The following EML6 variants were observed in gnomAD, a reference collection of about 807,000 sequenced individuals.
EML6 encodes echinoderm microtubule-associated protein-like 6.
Under a neutral mutation model 240.1 loss-of-function variants are expected in EML6, and 154 were observed. The observed-to-expected ratio is 0.64, with a 90% CI of 0.56 to 0.73. The LOEUF is 0.73. Ranked by LOEUF, EML6 falls within the 30% of genes least tolerant of loss-of-function variation. EML6 has a pLI of 0.00. For synonymous variants in EML6, 1,148 were observed against 899.0 expected (o/e 1.28, Z -4.95); for missense variants, 2,964 against 2,474.6 (o/e 1.20, Z -4.20).
rs1275530216 is a variant in EML6 at position 54,916,935 on chromosome 2, G to GGT, written c.3675+1_3675+2dup. ...TTAAGCTTTTTTCATATCCTGTCAAGGTAATATTGCGTGTTTATTATCTTT... is the reference window on the plus strand; with the variant it reads ...TTAAGCTTTTTTCATATCCTGTCAAGGTGTAATATTGCGTGTTTATTATCTTT... On this transcript the variant is annotated frameshift_variant and splice_region_variant. Coordinates refer to ENST00000356458, the MANE Select transcript of EML6 (RefSeq NM_001039753.4). LOFTEE classifies it high-confidence loss of function. 6.5e-7 allele frequency: 1 copy of GGT among 1,528,400 alleles called. No homozygotes were observed. The highest frequency in any genetic ancestry group is 2.0e-5 in the Admixed American group (1 of 50,698). 94.7% of individuals were successfully genotyped at this position (1,528,400 alleles called of 1,614,324 possible).
In EML6 at chr2:54,844,032, A is replaced by C. The variant is rs908058773; in HGVS notation, c.848-15A>C. 2 of 1,517,714 alleles carry C rather than the reference A, an allele frequency of 1.3e-6. No homozygotes were observed. Among genetic ancestry groups the C allele is most frequent in the Non-Finnish European group, 1.8e-6 (2 of 1,127,656 alleles). The allele number at this position is 1,517,714 out of a possible 1,614,324, so 94.0% of individuals were successfully genotyped here. On this transcript the variant is annotated splice_polypyrimidine_tract_variant and intron_variant, in intron 7 of 41. Coordinates refer to ENST00000356458, the MANE Select transcript of EML6 (RefSeq NM_001039753.4). The stretch of plus-strand genomic sequence containing the variant: ...TAGTGTGAAGATTTGCTTTTGTTTT[A>C]CTTATTTTTGTCAGGCCTCTCTATC...
At chr2:54,877,696 G>A (rs758035186) in intron 16 of EML6, among the ~76,000 whole-genome samples, 1 of 152,220 alleles carries the variant, frequency 6.6e-6, no homozygotes, top group Admixed American at 6.5e-5. Flanking sequence ...AGTTGTTTTT[G>A]AAAGACGTAG....
intron 24 of EML6, among the ~76,000 whole-genome samples, chr2:54,910,150 G>T (rs2104281370): frequency 6.6e-6 from 1 of 152,276 alleles, no homozygotes; most frequent in Non-Finnish European, 1.5e-5. Flanking sequence ...AATAGCTGTT[G>T]AGGCTGGACA....
At chr2:54,871,426 G>T in intron 15 of EML6, 74 bp from the exon 16 acceptor site, 1 of 1,152,160 alleles carries the variant, frequency 8.7e-7, no homozygotes, top group Non-Finnish European at 1.3e-6. Context: ...TCTGAGCAGT[G>T]TTGGACTCTA....
intron 26 of EML6, among the ~76,000 whole-genome samples, chr2:54,921,601 A>T (rs1674257294): frequency 6.6e-6 from 1 of 152,162 alleles, no homozygotes; most frequent in South Asian, 2.1e-4. Context: ...GTATGTAACC[A>T]CAAAAAACCT....
At position 54,928,498 on chromosome 2, in the gene EML6, C is replaced by G; in HGVS notation, c.3861C>G (p.Asp1287Glu). 6.5e-7 allele frequency: 1 copy of G among 1,545,324 alleles called. No individual in the cohort carries two copies. Among genetic ancestry groups the G allele is most frequent in the Non-Finnish European group, 8.7e-7 (1 of 1,142,982 alleles). The change falls in exon 27 of 42, where the codon GAC becomes GAG. Residue 1287 changes from aspartate (D) to glutamate (E), a missense_variant. By Grantham distance (45) the Asp-to-Glu change is conservative (BLOSUM62 2). Coordinates refer to ENST00000356458, the MANE Select transcript of EML6 (RefSeq NM_001039753.4). Reference protein sequence around the residue: ...KLVDSEESDTDVEEDGGYDSD... With the variant: ...KLVDSEESDTEVEEDGGYDSD... Reference sequence around the variant, plus strand: ...TGGACAGCGAGGAGTCAGACACCGACGTGGAAGAGGATGGAGGTGAGCCCC... The same window carrying G: ...TGGACAGCGAGGAGTCAGACACCGAGGTGGAAGAGGATGGAGGTGAGCCCC...
intron 24 of EML6, among the ~76,000 whole-genome samples, chr2:54,909,257 C>T (rs183625956): frequency 6.6e-6 from 1 of 152,318 alleles, no homozygotes; most frequent in East Asian, 1.9e-4. Flanking sequence ...AATTACTTTA[C>T]AGATGTATTT....
At chr2:54,930,355 C>A (rs4399760) in intron 28 of EML6, among the ~76,000 whole-genome samples, 48,686 of 152,042 alleles carry the variant, frequency 0.32, 8,150 homozygotes, top group South Asian at 0.52. Context: ...AATCTGTCAA[C>A]ATTTCGTACT....
intron 7 of EML6, among the ~76,000 whole-genome samples, chr2:54,831,691 C>T (rs952396734): frequency 2.6e-4 from 40 of 152,210 alleles, no homozygotes; most frequent in African/African-American, 9.2e-4. Flanking sequence ...AGATGGCTTA[C>T]TGATAAGGCG....
chr2:54,857,490 A>G (rs577754805), intron 11 of EML6, among the ~76,000 whole-genome samples: 13 of 152,304 alleles, frequency 8.5e-5, no homozygotes, highest in African/African-American at 3.1e-4. Context: ...AGTGATGAAA[A>G]CAAGCACAAA....
At chr2:54,955,900 C>A (rs1676210446) in intron 32 of EML6, among the ~76,000 whole-genome samples, 1 of 152,226 alleles carries the variant, frequency 6.6e-6, no homozygotes, top group Non-Finnish European at 1.5e-5. Flanking sequence ...GGTTTGCCTT[C>A]ATTTCAAGTC....
intron 16 of EML6, among the ~76,000 whole-genome samples, chr2:54,872,450 C>G (rs1048259005): frequency 1.3e-5 from 2 of 152,138 alleles, no homozygotes; most frequent in African/African-American, 2.4e-5. Flanking sequence ...TTCCTCTCCC[C>G]GTTCAAGCCC....
At chr2:54,853,508 G>T in intron 10 of EML6, 135 bp from the exon 11 acceptor site, 1 of 576,386 alleles carries the variant, frequency 1.7e-6, no homozygotes, top group Non-Finnish European at 2.7e-6. Context: ...AGAAAAAATC[G>T]CAAATGGGAT....
chr2:54,842,972 G>C (rs752432816), intron 7 of EML6, among the ~76,000 whole-genome samples: 5 of 152,182 alleles, frequency 3.3e-5, no homozygotes, highest in Non-Finnish European at 5.9e-5. Flanking sequence ...GAGACATGGT[G>C]CATCTGTTTA....
At chr2:54,968,033 T>C (rs1676824748) in intron 39 of EML6, 95 bp from the exon 40 acceptor site, 17 of 1,252,046 alleles carry the variant, frequency 1.4e-5, no homozygotes, top group Non-Finnish European at 1.9e-5. Context: ...ATGTTAAACA[T>C]CCCTCTCTTC....
chr2:54,765,002 GT>G (rs1238432898), intron 2 of EML6, among the ~76,000 whole-genome samples: 3 of 151,970 alleles, frequency 2.0e-5, no homozygotes, highest in Non-Finnish European at 4.4e-5. Context: ...TGCTTTCAGT[GT>G]TTGTTTCCAT....
At chr2:54,949,920 T>C (rs1164989301) in intron 29 of EML6, among the ~76,000 whole-genome samples, 2 of 152,234 alleles carry the variant, frequency 1.3e-5, no homozygotes, top group Non-Finnish European at 2.9e-5. Context: ...CAAGACCTTC[T>C]CCAGTATCTT....
At chr2:54,793,191 CAGTA>C (rs1264360329) in intron 2 of EML6, among the ~76,000 whole-genome samples, 6 of 152,118 alleles carry the variant, frequency 3.9e-5, no homozygotes, top group African/African-American at 4.8e-5. Flanking sequence ...TGCTTGAACT[CAGTA>C]GGTAGAGGCT....
chr2:54,782,779 C>G (rs987668596), intron 2 of EML6, among the ~76,000 whole-genome samples: 1 of 151,862 alleles, frequency 6.6e-6, no homozygotes, highest in Non-Finnish European at 1.5e-5. Context: ...GTTTTACCCT[C>G]TTACTCATTG....
Sources: gnomAD v4.1 joint callset for allele counts (sites outside exome capture counted in the v4.1 genomes callset) on GRCh38, gnomAD v4.1.1 for gene constraint, MANE v1.5 for transcripts, NCBI Gene and HGNC (gene_info 2026-07-23, HGNC 2026-07-21) for gene names.